PKIA: variants seen among roughly 807,000 people sequenced by gnomAD.
PKIA encodes the protein cAMP-dependent protein kinase inhibitor alpha.
In PKIA, 4 loss-of-function variants were observed where a neutral mutation model predicts 7.6. The observed-to-expected ratio is 0.52, with a 90% CI of 0.26 to 1.20. The LOEUF is 1.20. Ranked by LOEUF, PKIA falls within the 50% of genes most tolerant of loss-of-function variation. The pLI is 0.13. For missense variants in PKIA, 73 were observed against 86.2 expected, an observed-to-expected ratio of 0.85 and a Z score of 0.61; for synonymous variants, 21 against 30.7, an observed-to-expected ratio of 0.68 and a Z score of 1.04.
chr8:78,567,675 A>T (rs542731076), intron 1 of PKIA, among the ~76,000 whole-genome samples: 1 of 152,276 alleles, frequency 6.6e-6, no homozygotes, highest in African/African-American at 2.4e-5. Flanking sequence ...AGAAGCAGAG[A>T]GTTATACTCC....
chr8:78,571,181 T>C (rs530167923), intron 1 of PKIA, among the ~76,000 whole-genome samples: 1 of 151,750 alleles, frequency 6.6e-6, no homozygotes, highest in South Asian at 2.1e-4. Context: ...GTATCCAAGA[T>C]ACAAAGTTTT....
At chr8:78,585,316 T>A (rs989090624) in intron 2 of PKIA, among the ~76,000 whole-genome samples, 1 of 152,052 alleles carries the variant, frequency 6.6e-6, no homozygotes, top group Non-Finnish European at 1.5e-5. Context: ...TCTACAGCAT[T>A]TTCTTTTCTC....
chr8:78,529,886 T>TCA (rs1806351391), intron 1 of PKIA, among the ~76,000 whole-genome samples: 3 of 109,090 alleles, frequency 2.8e-5, no homozygotes, highest in African/African-American at 1.7e-4. Flanking sequence ...GTCAGTGAGA[T>TCA]CACGTTATTT....
chr8:78,572,099 G>T (rs1215041717), intron 1 of PKIA, among the ~76,000 whole-genome samples: 2 of 152,020 alleles, frequency 1.3e-5, no homozygotes, highest in African/African-American at 4.8e-5. Context: ...TGCTATTATT[G>T]TTTCAGAATC....
intron 1 of PKIA, among the ~76,000 whole-genome samples, chr8:78,523,457 A>C (rs1809454853): frequency 6.6e-6 from 1 of 151,962 alleles, no homozygotes; most frequent in African/African-American, 2.4e-5. Flanking sequence ...TGGTTATGAG[A>C]CCAAAGGGTA....
At chr8:78,536,565 C>T (rs1806528597) in intron 1 of PKIA, among the ~76,000 whole-genome samples, 1 of 151,944 alleles carries the variant, frequency 6.6e-6, no homozygotes, top group Admixed American at 6.6e-5. Flanking sequence ...AGCCTGAGGA[C>T]AAGGTGGCAA....
rs142015030 is a variant in PKIA at position 78,527,608 on chromosome 8, A to C, written c.-157+11140A>C. 8.1e-3 allele frequency among the ~76,000 whole-genome samples: 1,225 copies of C among 152,118 alleles called. 12 individuals carry two copies. Among genetic ancestry groups the C allele is most frequent in the African/African-American group, 0.027 (1,137 of 41,544 alleles). On this transcript the variant is annotated intron_variant, in intron 1 of 3. Transcript: ENST00000396418. ...AGATTTTAAAGTGATTTATTTAATAAATGAGTATGAATATGAATTTACCTA... is the reference window on the plus strand; with the variant it reads ...AGATTTTAAAGTGATTTATTTAATACATGAGTATGAATATGAATTTACCTA...
intron 2 of PKIA, among the ~76,000 whole-genome samples, chr8:78,589,956 G>A (rs1808054864): frequency 6.6e-6 from 1 of 152,132 alleles, no homozygotes; most frequent in Non-Finnish European, 1.5e-5. Flanking sequence ...ACGAACAAGT[G>A]ACAGGCAAAC....
At chr8:78,552,165 T>C (rs1028851822) in intron 1 of PKIA, among the ~76,000 whole-genome samples, 4 of 151,994 alleles carry the variant, frequency 2.6e-5, no homozygotes, top group Non-Finnish European at 4.4e-5. Flanking sequence ...CATGTTGGGC[T>C]GATATGATAC....
At chr8:78,583,879 A>G (rs2130218059) in intron 2 of PKIA, among the ~76,000 whole-genome samples, 1 of 152,234 alleles carries the variant, frequency 6.6e-6, no homozygotes, top group South Asian at 2.1e-4. Context: ...ATTTTTCAAA[A>G]AAGAAATTTG....
intron 1 of PKIA, among the ~76,000 whole-genome samples, chr8:78,530,286 T>C (rs1806359754): frequency 1.3e-5 from 2 of 152,036 alleles, no homozygotes; most frequent in Admixed American, 1.3e-4. Context: ...TACTAAGTGT[T>C]AGAGCAAGAA....
intron 1 of PKIA, among the ~76,000 whole-genome samples, chr8:78,542,748 C>T (rs182288199): frequency 6.6e-6 from 1 of 152,166 alleles, no homozygotes; most frequent in East Asian, 1.9e-4. Flanking sequence ...GTACCAAATA[C>T]CAAGATGCCC....
chr8:78,525,186 T>C (rs1809518546), intron 1 of PKIA, among the ~76,000 whole-genome samples: 2 of 151,722 alleles, frequency 1.3e-5, no homozygotes, highest in Admixed American at 1.3e-4. Context: ...CAGGAAAACA[T>C]GACATTCCCC....
rs1808356637 is a variant in PKIA at position 78,601,837 on chromosome 8, C to T, written c.*16C>T. On this transcript the variant is annotated 3_prime_UTR_variant, in exon 4 of 4. Coordinates refer to ENST00000396418, the MANE Select transcript of PKIA (RefSeq NM_006823.4). ...TGAAAGCTAACACCCCACTTTGACCCTCGACCACACCTGAAAATGTCTCAA... is the reference window on the plus strand; with the variant it reads ...TGAAAGCTAACACCCCACTTTGACCTTCGACCACACCTGAAAATGTCTCAA... 6.4e-7 allele frequency: 1 copy of T among 1,573,392 alleles called. No homozygotes were observed. The highest frequency in any genetic ancestry group is 8.7e-7 in the Non-Finnish European group (1 of 1,143,924).
At chr8:78,523,368 G>A (rs1809453439) in intron 1 of PKIA, among the ~76,000 whole-genome samples, 1 of 151,892 alleles carries the variant, frequency 6.6e-6, no homozygotes, top group Non-Finnish European at 1.5e-5. Context: ...TCTTTGAAAA[G>A]CAGACGTAAA....
chr8:78,552,837 A>T (rs1807019267), intron 1 of PKIA, among the ~76,000 whole-genome samples: 1 of 151,980 alleles, frequency 6.6e-6, no homozygotes, highest in Admixed American at 6.6e-5. Flanking sequence ...AAGATTGTTT[A>T]TCCAAGTTAG....
At chr8:78,599,255 T>G (rs911353940) in intron 3 of PKIA, among the ~76,000 whole-genome samples, 3 of 152,112 alleles carry the variant, frequency 2.0e-5, no homozygotes, top group African/African-American at 7.2e-5. Flanking sequence ...ATATCAAAGC[T>G]GAATGTGTTT....
chr8:78,554,661 G>C (rs1585893609), intron 1 of PKIA, among the ~76,000 whole-genome samples: 2 of 152,080 alleles, frequency 1.3e-5, no homozygotes, highest in African/African-American at 4.8e-5. Context: ...AACAAGCAGA[G>C]ACTGATATTT....
chr8:78,569,381 G>A (rs139831356), intron 1 of PKIA, among the ~76,000 whole-genome samples: 6 of 152,098 alleles, frequency 3.9e-5, no homozygotes, highest in East Asian at 1.9e-4. Context: ...GGCCAAAGGC[G>A]GAGCTAAACT....
Sources: allele counts gnomAD v4.1 joint callset (sites outside exome capture counted in the v4.1 genomes callset), GRCh38; gene constraint gnomAD v4.1.1; transcripts MANE v1.5; gene names NCBI Gene and HGNC (gene_info 2026-07-23, HGNC 2026-07-21).